KCNJ3: variants seen among roughly 807,000 people sequenced by gnomAD.
The protein encoded by KCNJ3 is potassium inwardly rectifying channel subfamily J member 3.
Under a neutral mutation model 39.2 loss-of-function variants are expected in KCNJ3, and 4 were observed. The observed-to-expected ratio is 0.10, with a 90% CI of 0.05 to 0.23. The LOEUF (loss-of-function observed/expected upper bound fraction) is 0.23. KCNJ3 is among the 10% of genes least tolerant of loss of function. The probability of loss-of-function intolerance (pLI) is 1.00; values close to 1 mark genes in which losing one functional copy is unlikely to be tolerated. For missense variants in KCNJ3, 276 were observed against 634.9 expected, an observed-to-expected ratio of 0.43 and a Z score of 6.08; for synonymous variants, 230 against 237.4, an observed-to-expected ratio of 0.97 and a Z score of 0.29.
intron 2 of KCNJ3, among the ~76,000 whole-genome samples, chr2:154,777,060 A>T (rs1686349275): frequency 6.6e-6 from 1 of 151,740 alleles, no homozygotes; most frequent in Non-Finnish European, 1.5e-5. Flanking sequence ...ACACACACAC[A>T]CTCATTAAAT....
intron 2 of KCNJ3, among the ~76,000 whole-genome samples, chr2:154,720,092 T>C (rs368861754): frequency 3.3e-5 from 5 of 152,164 alleles, no homozygotes; most frequent in African/African-American, 9.6e-5. Flanking sequence ...TAAAATAATA[T>C]GAAGTTATTT....
intron 2 of KCNJ3, among the ~76,000 whole-genome samples, chr2:154,711,790 G>A (rs1475856997): frequency 6.6e-6 from 1 of 152,040 alleles, no homozygotes; most frequent in Non-Finnish European, 1.5e-5. Context: ...GAGGATCATG[G>A]TTAGTACATA....
At chr2:154,784,672 C>T (rs555026793) in intron 2 of KCNJ3, among the ~76,000 whole-genome samples, 278 of 152,266 alleles carry the variant, frequency 1.8e-3, no homozygotes, top group Non-Finnish European at 2.5e-3. Context: ...TGAGCCACTG[C>T]GCCCGGCCTG....
At chr2:154,733,178 C>T (rs77840744) in intron 2 of KCNJ3, among the ~76,000 whole-genome samples, 9,769 of 152,050 alleles carry the variant, frequency 0.064, 381 homozygotes, top group African/African-American at 0.1. Flanking sequence ...TTTTTTATTA[C>T]AAAATTATTT....
chr2:154,852,433 G>C (rs754991737), intron 2 of KCNJ3, among the ~76,000 whole-genome samples: 2 of 152,032 alleles, frequency 1.3e-5, no homozygotes, highest in Non-Finnish European at 2.9e-5. Context: ...TTGTAAGGCA[G>C]TATTATCACT....
intron 2 of KCNJ3, among the ~76,000 whole-genome samples, chr2:154,777,390 T>C (rs1201361825): frequency 6.6e-6 from 1 of 152,226 alleles, no homozygotes. Flanking sequence ...TTTATTGGGT[T>C]AGCCAGGTTG....
At chr2:154,738,549 A>C (rs551674914) in intron 2 of KCNJ3, among the ~76,000 whole-genome samples, 1 of 152,080 alleles carries the variant, frequency 6.6e-6, no homozygotes, top group East Asian at 1.9e-4. Flanking sequence ...TACACCTACT[A>C]TGTAGCCACA....
At position 154,855,265 on chromosome 2, in the gene KCNJ3, G is replaced by A. The variant is rs1237753732; in HGVS notation, c.1458G>A (p.Gly486=). 1 of 1,611,696 alleles carries A rather than the reference G, an allele frequency of 6.2e-7. No homozygotes were observed. Among genetic ancestry groups the A allele is most frequent in the Admixed American group, 1.7e-5 (1 of 59,298 alleles). ...CTGGAGGAGCAGCTAGGATGGAAGG[G>A]AACCTTCCAGCCAAATTAAGAAAAA... ...KMAGGAARME[G]NLPAKLRKMN... The change falls in exon 3 of 3, where the codon GGG becomes GGA. Residue 486 remains glycine (G), a synonymous_variant. Transcript: ENST00000295101.
intron 2 of KCNJ3, among the ~76,000 whole-genome samples, chr2:154,721,431 T>C (rs2105160060): frequency 6.6e-6 from 1 of 152,260 alleles, no homozygotes. Context: ...AACAGAGAGC[T>C]CTCCTGGGTT....
At chr2:154,837,709 T>C (rs575605312) in intron 2 of KCNJ3, among the ~76,000 whole-genome samples, 2 of 152,314 alleles carry the variant, frequency 1.3e-5, no homozygotes, top group South Asian at 4.1e-4. Flanking sequence ...AGAGCTCGCT[T>C]AAGAAGCTTA....
intron 2 of KCNJ3, among the ~76,000 whole-genome samples, chr2:154,769,143 T>G (rs943118154): frequency 1.8e-4 from 27 of 152,198 alleles, no homozygotes; most frequent in Admixed American, 9.2e-4. Flanking sequence ...CAGGGACAAT[T>G]TGACTTCCTC....
At position 154,788,696 on chromosome 2, in the gene KCNJ3, T is replaced by C. The variant is rs777756287; in HGVS notation, c.920-66031T>C. Among the ~76,000 whole-genome samples the C allele has an allele frequency of 1.6e-4, 25 of 152,190 alleles. No homozygotes were observed. In the East Asian group the frequency reaches 3.7e-3, roughly 22 times the overall value. The stretch of plus-strand genomic sequence containing the variant: ...CTTTTTAAAATACTGATCTAAAATA[T>C]GTTTATGTTTCCTGCTGTTAAAATT... On this transcript the variant is annotated intron_variant, in intron 2 of 2. Coordinates refer to ENST00000295101, the MANE Select transcript of KCNJ3 (RefSeq NM_002239.4).
intron 2 of KCNJ3, among the ~76,000 whole-genome samples, chr2:154,722,149 A>G (rs927637803): frequency 6.6e-6 from 1 of 151,836 alleles, no homozygotes; most frequent in African/African-American, 2.4e-5. Context: ...TTTTGCAGCA[A>G]ATACACTAAA....
intron 2 of KCNJ3, among the ~76,000 whole-genome samples, chr2:154,805,097 A>C (rs528637473): frequency 2.0e-4 from 30 of 152,290 alleles, no homozygotes; most frequent in African/African-American, 6.5e-4. Flanking sequence ...TAGCAATTGG[A>C]ATATGGTGTG....
intron 2 of KCNJ3, among the ~76,000 whole-genome samples, chr2:154,849,940 A>G (rs1687726759): frequency 6.6e-6 from 1 of 151,304 alleles, no homozygotes; most frequent in South Asian, 2.1e-4. Flanking sequence ...ACTGGAATAA[A>G]TTACACTAAA....
intron 2 of KCNJ3, among the ~76,000 whole-genome samples, chr2:154,717,349 G>C (rs996958055): frequency 1.3e-5 from 2 of 152,164 alleles, no homozygotes; most frequent in Non-Finnish European, 2.9e-5. Context: ...TTTTAAGTAA[G>C]AGAACACCAT....
chr2:154,855,443 C>T lies in KCNJ3; in HGVS notation c.*130C>T. ...AGTTCTACAAGCATATTTGAGAACC[C>T]TTCCTTTCCCAAGTATTGCGAATGT... is the stretch of plus-strand genomic sequence containing the variant. On this transcript the variant is annotated 3_prime_UTR_variant, in exon 3 of 3. Transcript: ENST00000295101. 2 of 666,612 alleles carry T rather than the reference C, an allele frequency of 3.0e-6. No individual in the cohort carries two copies. The highest frequency in any genetic ancestry group is 3.6e-5 in the African/African-American group (2 of 55,158). 41.3% of individuals were successfully genotyped at this position (666,612 alleles called of 1,614,324 possible).
At position 154,698,916 on chromosome 2, in the gene KCNJ3, G is replaced by A; in HGVS notation, c.141G>A (p.Val47=). 6.2e-7 allele frequency: 1 copy of A among 1,614,190 alleles called. No individual in the cohort carries two copies. The highest frequency in any genetic ancestry group is 8.5e-7 in the Non-Finnish European group (1 of 1,180,044). ...LVPKKKRQRF[V]DKNGRCNVQH... is the part of the protein sequence containing the mutation. ...CCAAGAAGAAGCGGCAGCGGTTCGT[G>A]GACAAGAACGGCCGGTGCAATGTAC... is the stretch of plus-strand genomic sequence containing the variant. Residue 47 remains valine, a synonymous_variant, in exon 1 of 3, where the codon GTG becomes GTA. Transcript: ENST00000295101.
intron 2 of KCNJ3, among the ~76,000 whole-genome samples, chr2:154,753,590 A>G (rs1386284056): frequency 6.6e-6 from 1 of 152,080 alleles, no homozygotes; most frequent in African/African-American, 2.4e-5. Context: ...TTGGTTTCTT[A>G]TAGCTACATG....
Sources: gnomAD v4.1 joint callset for allele counts (sites outside exome capture counted in the v4.1 genomes callset) on GRCh38, gnomAD v4.1.1 for gene constraint, MANE v1.5 for transcripts, NCBI Gene and HGNC (gene_info 2026-07-23, HGNC 2026-07-21) for gene names.